KRT78: variants seen among roughly 807,000 people sequenced by gnomAD.
KRT78 encodes the protein keratin 78, also known as keratin, type II cytoskeletal 78.
KRT78 carries 55 observed loss-of-function variants against 51.4 expected under a neutral mutation model. The observed-to-expected ratio is 1.07, with a 90% CI of 0.86 to 1.34. The LOEUF is 1.34. Ranked by LOEUF, KRT78 falls within the 40% of genes most tolerant of loss-of-function variation. The pLI is 0.00. For missense variants in KRT78, 652 were observed against 649.4 expected, an observed-to-expected ratio of 1.00 and a Z score of -0.04; for synonymous variants, 291 against 264.3, an observed-to-expected ratio of 1.10 and a Z score of -0.98.
At chr12:52,843,700 A>AAAG (rs1555183020) in intron 6 of KRT78, among the ~76,000 whole-genome samples, 105 of 149,044 alleles carry the variant, frequency 7.0e-4, no homozygotes, top group African/African-American at 2.6e-3. Flanking sequence ...AAAAAAAAAA[A>AAAG]AAAAAGAAAA....
At chr12:52,839,410 G>A in intron 8 of KRT78, 38 bp from the exon 9 acceptor site, 1 of 1,611,662 alleles carries the variant, frequency 6.2e-7, no homozygotes, top group South Asian at 1.1e-5. Context: ...AGGGTCATCA[G>A]CTCCCCATGG....
rs374512134 is a variant in KRT78, at chr12:52,844,009, A to G, written c.1047+84T>C. On this transcript the variant is annotated intron_variant, in intron 6 of 8. Coordinates refer to ENST00000304620, the MANE Select transcript of KRT78 (RefSeq NM_173352.4). ...TCGACACAAAACCACTGGCAACCCAACTGGAGAGAGAAGCTAGGAACTGGG... is the reference window on the plus strand; with the variant it reads ...TCGACACAAAACCACTGGCAACCCAGCTGGAGAGAGAAGCTAGGAACTGGG... 147 of 1,552,128 alleles carry G rather than the reference A, an allele frequency of 9.5e-5. No individual in the cohort carries two copies. The African/African-American group carries it at 1.6e-3, about 17-fold the overall frequency.
intron 6 of KRT78, 27 bp downstream of exon 6, chr12:52,844,066 G>T: frequency 6.2e-7 from 1 of 1,610,388 alleles, no homozygotes; most frequent in Non-Finnish European, 8.5e-7. Flanking sequence ...GCAATGAGAG[G>T]ACATTTGGGG....
rs1251170474 is a variant in KRT78 at position 52,846,761 on chromosome 12, C to T, written c.660+3G>A. The T allele has an allele frequency of 6.8e-6, 11 of 1,613,178 alleles. No individual in the cohort carries two copies. Among genetic ancestry groups the T allele is most frequent in the Non-Finnish European group, 9.3e-6 (11 of 1,179,534 alleles). ...TAAGTGGAGCACTGGCCCCCACCCT[C>T]ACCTTCTTGAGGACCACAAAGTCGT... On this transcript the variant is annotated splice_donor_region_variant and intron_variant, in intron 3 of 8. Transcript: ENST00000304620.
Position 52,846,183 on chromosome 12 carries a change from T to A in KRT78, c.756+14A>T. ...TCTCTCTTGGCTGCAGCCTGCCCTTTGGTTGAGCCTCACTTCTTCATTCAG... is the reference window on the plus strand; with the variant it reads ...TCTCTCTTGGCTGCAGCCTGCCCTTAGGTTGAGCCTCACTTCTTCATTCAG... On this transcript the variant is annotated intron_variant, in intron 4 of 8. Transcript: ENST00000304620. 1 of 1,596,124 alleles carries A rather than the reference T, an allele frequency of 6.3e-7. No homozygotes were observed. Among genetic ancestry groups the A allele is most frequent in the Non-Finnish European group, 8.6e-7 (1 of 1,164,452 alleles).
intron 6 of KRT78, 93 bp downstream of exon 6, chr12:52,844,000 G>T (rs1290432528): frequency 1.3e-6 from 2 of 1,512,372 alleles, no homozygotes; most frequent in East Asian, 4.6e-5. Context: ...CAAAACCACT[G>T]GCAACCCAAC....
Position 52,839,314 on chromosome 12 carries a change from A to G in KRT78, c.1362T>C (p.Thr454=). Residue 454 remains threonine (T), a synonymous_variant, in exon 9 of 9, where the codon ACT becomes ACC. Coordinates refer to ENST00000304620, the MANE Select transcript of KRT78 (RefSeq NM_173352.4). ...TGCCTTTCCCACTACCGAGTCCACA[A>G]GTGCTCCCCAAGCCTCCACCAACTC... ...SGGVGGGLGS[T]CGLGSGKGSP... is the part of the protein sequence containing the mutation. The G allele has an allele frequency of 1.2e-6, 2 of 1,613,808 alleles. No individual in the cohort carries two copies. The highest frequency in any genetic ancestry group is 1.7e-5 in the Admixed American group (1 of 59,970).
chr12:52,841,993 C>T (rs1940510682), intron 6 of KRT78, among the ~76,000 whole-genome samples: 3 of 152,220 alleles, frequency 2.0e-5, no homozygotes, highest in Admixed American at 6.5e-5. Context: ...TCTGACTCCT[C>T]AGCTCTGCCA....
Position 52,844,195 on chromosome 12 carries a change from G to A in KRT78, c.945C>T (p.Ala315=). The A allele has an allele frequency of 6.2e-7, 1 of 1,604,928 alleles. No homozygotes were observed. Among genetic ancestry groups the A allele is most frequent in the Non-Finnish European group, 8.5e-7 (1 of 1,177,708 alleles). The change falls in exon 6 of 9, where the codon GCC becomes GCT. Residue 315 remains alanine (A), a synonymous_variant. Transcript: ENST00000304620. ...QTKYQELQVS[A]QLHGDRMQET... is the part of the protein sequence containing the mutation. ...CCTGCATCCTGTCCCCATGAAGCTG[G>A]GCAGACACCTGAAGTTCCTGGTACT...
rs1307098998 is a variant in KRT78 at position 52,839,912 on chromosome 12, T to C, written c.1120A>G (p.Lys374Glu). 1 of 1,614,050 alleles carries C rather than the reference T, an allele frequency of 6.2e-7. No individual in the cohort carries two copies. Among genetic ancestry groups the C allele is most frequent in the East Asian group, 2.2e-5 (1 of 44,854 alleles). Residue 374 changes from lysine (K) to glutamate (E), a missense_variant, in exon 7 of 9, where the codon AAG becomes GAG. Coordinates refer to ENST00000304620, the MANE Select transcript of KRT78 (RefSeq NM_173352.4). The stretch of plus-strand genomic sequence containing the variant: ...AGAGCAGCCTCCAGCTCGTCCACCT[T>C]GGCCTGAGCGTCCTTGAGGGCCAGC... ...GELALKDAQA[K>E]VDELEAALRM...
At chr12:52,842,160 T>TGGTTTGGGTTGAAGTGTG (rs149383002) in intron 6 of KRT78, among the ~76,000 whole-genome samples, 13,114 of 152,118 alleles carry the variant, frequency 0.086, 1,390 homozygotes, top group African/African-American at 0.25. Context: ...ACCAGGAGGA[T>TGGTTTGGGTTGAAGTGTG]GGTTCTGGAT....
intron 2 of KRT78, 69 bp downstream of exon 2, chr12:52,847,838 G>C (rs1460152499): frequency 2.1e-6 from 3 of 1,410,700 alleles, no homozygotes; most frequent in Non-Finnish European, 2.0e-6. Context: ...ACACCTCCTG[G>C]CTGACAGACC....
rs200256832 is a variant in KRT78, at chr12:52,848,813, TCCTGCTGCTGAAGCCGCC to T, written c.100_117del (p.Gly34_Arg39del). On this transcript the variant is annotated inframe_deletion, in exon 1 of 9. Coordinates refer to ENST00000304620, the MANE Select transcript of KRT78 (RefSeq NM_173352.4). ...AGGCACCCCCCAAAGGAATTAAGGC[TCCTGCTGCTGAAGCCGCC>T]CCTGCTGCTGAAGCCTCCCCTGCTG... 1.5e-3 allele frequency: 2,341 copies of T among 1,606,886 alleles called. 57 individuals are homozygous for T. The Admixed American group carries it at 0.038, about 26-fold the overall frequency.
chr12:52,846,953 C>T, intron 2 of KRT78, 129 bp from the exon 3 acceptor site: 1 of 671,128 alleles, frequency 1.5e-6, no homozygotes, highest in Non-Finnish European at 2.6e-6. Context: ...CAATAACCAG[C>T]CCTTCTCTCC....
chr12:52,839,190 AG>A lies in KRT78; in HGVS notation c.1485del (p.Ser496ProfsTer11), dbSNP rs773834916. ...DPVLDSCSVSGSSAGSSCHTI... is the reference protein window; with the variant it reads ...DPVLDSCSVSXSSAGSSCHTI... ...GTGTGGCAGCTGGAGCCAGCGCTGG[AG>A]CCAGACACAGAGCAGGAATCCAAAA... On this transcript the variant is annotated frameshift_variant, in exon 9 of 9. Coordinates refer to ENST00000304620, the MANE Select transcript of KRT78 (RefSeq NM_173352.4). LOFTEE classifies it high-confidence loss of function. 3.9e-5 allele frequency: 63 copies of A among 1,612,988 alleles called. No homozygotes were observed. Among genetic ancestry groups the A allele is most frequent in the Non-Finnish European group, 5.0e-5 (59 of 1,179,798 alleles).
chr12:52,843,501 C>T (rs1940563081), intron 6 of KRT78, among the ~76,000 whole-genome samples: 1 of 150,956 alleles, frequency 6.6e-6, no homozygotes, highest in African/African-American at 2.4e-5. Flanking sequence ...ACCAGCCTGG[C>T]CAACATGGTG....
At chr12:52,844,037 G>A (rs1221099227) in intron 6 of KRT78, 56 bp downstream of exon 6, 2 of 1,597,012 alleles carry the variant, frequency 1.3e-6, no homozygotes, top group Non-Finnish European at 1.7e-6. Flanking sequence ...GAACTGGGAA[G>A]TGAGTTGAAG....
In KRT78 at chr12:52,839,110, C is replaced by G. The variant is rs375408802; in HGVS notation, c.*3G>C. 6.2e-7 allele frequency: 1 copy of G among 1,611,340 alleles called. No individual in the cohort carries two copies. The highest frequency in any genetic ancestry group is 8.5e-7 in the Non-Finnish European group (1 of 1,179,198). On this transcript the variant is annotated 3_prime_UTR_variant, in exon 9 of 9. Transcript: ENST00000304620. ...TTCAGGAAGGAGGTGGCTGCTGGGTCGCTCAGTAGGTGATGGATGTCTTCA... is the reference window on the plus strand; with the variant it reads ...TTCAGGAAGGAGGTGGCTGCTGGGTGGCTCAGTAGGTGATGGATGTCTTCA...
intron 2 of KRT78, 30 bp downstream of exon 2, chr12:52,847,877 C>T: frequency 6.3e-7 from 1 of 1,599,450 alleles, no homozygotes; most frequent in Non-Finnish European, 8.6e-7. Flanking sequence ...ACCCCGCCCA[C>T]ATGGCATGGG....
Sources: gnomAD v4.1 joint callset for allele counts (sites outside exome capture counted in the v4.1 genomes callset) on GRCh38, gnomAD v4.1.1 for gene constraint, MANE v1.5 for transcripts, NCBI Gene and HGNC (gene_info 2026-07-23, HGNC 2026-07-21) for gene names.